SLC45A4: variants seen among roughly 807,000 people sequenced by gnomAD.
SLC45A4 encodes polyamine-transporter SLC45A4.
In SLC45A4, 32 loss-of-function variants were observed where a neutral mutation model predicts 63.7. That is an observed-to-expected ratio of 0.50 (90% CI 0.38 to 0.67). The LOEUF is 0.67. Ranked by LOEUF, SLC45A4 falls within the 30% of genes least tolerant of loss-of-function variation. SLC45A4 has a pLI of 0.00. For synonymous variants in SLC45A4, 535 were observed against 510.0 expected, an observed-to-expected ratio of 1.05 and a Z score of -0.66; for missense variants, 1,027 against 1,157.7, an observed-to-expected ratio of 0.89 and a Z score of 1.64.
At position 141,211,027 on chromosome 8, in the gene SLC45A4, C is replaced by T. The variant is rs779900428; in HGVS notation, c.*545G>A. 27 of 161,638 alleles carry T rather than the reference C, an allele frequency of 1.7e-4. No individual in the cohort carries two copies. Among genetic ancestry groups the T allele is most frequent in the Non-Finnish European group, 2.7e-4 (20 of 74,360 alleles). The allele number at this position is 161,638 out of a possible 1,614,324, so 10.0% of individuals were successfully genotyped here. A position where few individuals can be genotyped will look rare whatever the true frequency, so the allele number is the denominator to read the frequency against. ...CCCTTTGCACCTGTCCCGATTCCAG[C>T]GTCGAGCAGGTGAGCAGGCGAGGAA... On this transcript the variant is annotated 3_prime_UTR_variant, in exon 9 of 9. Coordinates refer to ENST00000517878, the MANE Select transcript of SLC45A4 (RefSeq NM_001286646.2).
intron 2 of SLC45A4, among the ~76,000 whole-genome samples, chr8:141,232,469 G>C (rs1490292727): frequency 6.6e-6 from 1 of 152,216 alleles, no homozygotes; most frequent in Admixed American, 6.5e-5. Flanking sequence ...TCACGCCAAG[G>C]CCTCAGGTGA....
intron 1 of SLC45A4, among the ~76,000 whole-genome samples, chr8:141,281,871 C>T (rs1292234232): frequency 6.6e-6 from 1 of 152,018 alleles, no homozygotes; most frequent in Non-Finnish European, 1.5e-5. Context: ...AAGTGTTTCG[C>T]ACTGGTTATC....
intron 1 of SLC45A4, among the ~76,000 whole-genome samples, chr8:141,265,734 A>G (rs1829241008): frequency 6.6e-6 from 1 of 152,216 alleles, no homozygotes. Context: ...GGAGAAGCTC[A>G]AAAGTTAAGC....
Position 141,229,390 on chromosome 8 carries a change from C to T in SLC45A4, c.242-7625G>A, listed in dbSNP as rs139662229. On this transcript the variant is annotated intron_variant, in intron 2 of 8. Transcript: ENST00000517878. This position sits in a 1 kb window ranked among gnomAD's most constrained non-coding sequence, Gnocchi z 5.0. ...TTCCCTCTCCACACCAGACTCCAAC[C>T]GCCCACCCCACCCTACCTCCTCTTC... 1.3e-3 allele frequency among the ~76,000 whole-genome samples: 192 copies of T among 152,196 alleles called. No individual in the cohort carries two copies. The highest frequency in any genetic ancestry group is 4.1e-3 in the African/African-American group (172 of 41,546).
chr8:141,283,231 G>A (rs974899807), intron 1 of SLC45A4, among the ~76,000 whole-genome samples: 2 of 152,222 alleles, frequency 1.3e-5, no homozygotes, highest in African/African-American at 4.8e-5. Context: ...ACTCTGTGGG[G>A]AGCCCAGGCT....
At chr8:141,255,751 CA>C (rs1569558877) in intron 1 of SLC45A4, among the ~76,000 whole-genome samples, 2 of 148,776 alleles carry the variant, frequency 1.3e-5, no homozygotes, top group Non-Finnish European at 3.0e-5. Flanking sequence ...ACAAAAAAAA[CA>C]AAAAGAAAAG....
At chr8:141,228,670 C>A (rs1319497006) in intron 2 of SLC45A4, 9 of 995,514 alleles carry the variant, frequency 9.0e-6, no homozygotes, top group African/African-American at 3.4e-5. Context: ...GTATAAACAA[C>A]CGTATGGCCT....
intron 2 of SLC45A4, among the ~76,000 whole-genome samples, chr8:141,248,631 CAAGGT>C (rs1296996332): frequency 6.6e-6 from 1 of 151,908 alleles, no homozygotes; most frequent in Non-Finnish European, 1.5e-5. Flanking sequence ...TTTGGGAGAC[CAAGGT>C]AAGAGGATCA....
At chr8:141,260,929 G>GAA (rs1829018835) in intron 1 of SLC45A4, among the ~76,000 whole-genome samples, 1 of 152,170 alleles carries the variant, frequency 6.6e-6, no homozygotes, top group South Asian at 2.1e-4. Flanking sequence ...CCAAAAAAGA[G>GAA]AATTTTAGAC....
At chr8:141,221,951 C>T (rs1473461416) in intron 2 of SLC45A4, among the ~76,000 whole-genome samples, 186 bp from the exon 3 acceptor site, 1 of 152,268 alleles carries the variant, frequency 6.6e-6, no homozygotes, top group African/African-American at 2.4e-5. Flanking sequence ...GAAATCAACC[C>T]AGCCCCAGCT....
intron 2 of SLC45A4, 107 bp from the exon 3 acceptor site, chr8:141,221,872 T>G: frequency 8.6e-7 from 1 of 1,164,264 alleles, no homozygotes; most frequent in Non-Finnish European, 1.2e-6. Flanking sequence ...CACGCACGCA[T>G]GCGCACATCC....
intron 1 of SLC45A4, among the ~76,000 whole-genome samples, chr8:141,276,208 A>C (rs4961349): frequency 0.15 from 23,039 of 152,200 alleles, 2,203 homozygotes; most frequent in Admixed American, 0.23. Flanking sequence ...GGCCAAATTT[A>C]CTTTTAATTA....
In SLC45A4 at chr8:141,229,492, G is replaced by C. The variant is rs562070101; in HGVS notation, c.242-7727C>G. Among the ~76,000 whole-genome samples the C allele has an allele frequency of 2.6e-5, 4 of 152,096 alleles. No individual in the cohort carries two copies. The South Asian group carries it at 8.3e-4, about 31-fold the overall frequency. On this transcript the variant is annotated intron_variant, in intron 2 of 8. Coordinates refer to ENST00000517878, the MANE Select transcript of SLC45A4 (RefSeq NM_001286646.2). This position sits in a 1 kb window ranked among gnomAD's most constrained non-coding sequence, Gnocchi z 5.0. Reference sequence around the variant, plus strand: ...GGAGGGTCCAGCCAGTGCCTTCCCCGGGTAGGGGCAGCTCCCCTGGTGTCC... The same window carrying C: ...GGAGGGTCCAGCCAGTGCCTTCCCCCGGTAGGGGCAGCTCCCCTGGTGTCC...
chr8:141,263,781 A>AAAAT (rs1554598339), intron 1 of SLC45A4, among the ~76,000 whole-genome samples: 4 of 140,336 alleles, frequency 2.9e-5, no homozygotes, highest in African/African-American at 7.8e-5. Context: ...AAAAAAAAAA[A>AAAAT]AATAAAAATA....
In SLC45A4 at chr8:141,218,593, C is replaced by G; in HGVS notation, c.1047G>C (p.Gln349His). 6.2e-7 allele frequency: 1 copy of G among 1,613,494 alleles called. No homozygotes were observed. Among genetic ancestry groups the G allele is most frequent in the Non-Finnish European group, 8.5e-7 (1 of 1,179,902 alleles). The change falls in exon 5 of 9, where the codon CAG (glutamine) becomes CAC (histidine). Residue 349 changes from glutamine (Q) to histidine (H), a missense_variant. Gln to His is a conservative substitution (Grantham distance 24, BLOSUM62 0). Transcript: ENST00000517878. Reference sequence around the variant, plus strand: ...GGGGCAGCTTGGTCTTGGCGAGCTCCTGGCTGGTGCTGCGGGGGGTGGCGG... The same window carrying G: ...GGGGCAGCTTGGTCTTGGCGAGCTCGTGGCTGGTGCTGCGGGGGGTGGCGG... Reference protein sequence around the residue: ...SYPATPRSTSQELAKTKLPRL... With the variant: ...SYPATPRSTSHELAKTKLPRL...
Position 141,218,161 on chromosome 8 carries a change from C to T in SLC45A4, c.1479G>A (p.Thr493=), listed in dbSNP as rs144295839. 234 of 1,608,230 alleles carry T rather than the reference C, an allele frequency of 1.5e-4. 1 individual carries two copies. Among genetic ancestry groups the T allele is most frequent in the Middle Eastern group, 1.2e-3 (7 of 6,058 alleles). The change falls in exon 5 of 9, where the codon ACG becomes ACA. Residue 493 remains threonine (T), a synonymous_variant. Transcript: ENST00000517878. ...GCATGGAGAGCCACAGCAGGCGCAC[C>T]GTGGTCTCGCCCTCCCCCTCCTCAC... is the stretch of plus-strand genomic sequence containing the variant. The part of the protein sequence containing the change: ...TESEEGEGET[T]VRLLWLSMLK...
chr8:141,267,763 G>A (rs1414361820), intron 1 of SLC45A4, among the ~76,000 whole-genome samples: 1 of 152,208 alleles, frequency 6.6e-6, no homozygotes, highest in Non-Finnish European at 1.5e-5. Flanking sequence ...TAGCTGTGGT[G>A]CCACCACACA....
chr8:141,228,608 A>G, intron 2 of SLC45A4: 1 of 1,107,682 alleles, frequency 9.0e-7, no homozygotes, highest in Non-Finnish European at 1.1e-6. Flanking sequence ...TTTAAAACAG[A>G]TGTTGCAACA....
At chr8:141,307,623 G>A (rs573738137) in intron 1 of SLC45A4, among the ~76,000 whole-genome samples, 3 of 152,096 alleles carry the variant, frequency 2.0e-5, no homozygotes, top group Non-Finnish European at 4.4e-5. Flanking sequence ...GTGGTGTATC[G>A]CTGGTTGAAT....
Sources: gnomAD v4.1 joint callset for allele counts (sites outside exome capture counted in the v4.1 genomes callset) on GRCh38, gnomAD v4.1.1 for gene constraint, Gnocchi (gnomAD v3.1) non-coding constraint, MANE v1.5 for transcripts, NCBI Gene and HGNC (gene_info 2026-07-23, HGNC 2026-07-21) for gene names.